Variants in UBTF observed in about 807,000 individuals in gnomAD.
UBTF encodes the protein upstream binding transcription factor.
In UBTF, 8 loss-of-function variants were observed where a neutral mutation model predicts 112.3. That is an observed-to-expected ratio of 0.07 (90% CI 0.04 to 0.13). UBTF has a LOEUF of 0.13. Ranked by LOEUF, UBTF falls within the 10% of genes least tolerant of loss-of-function variation. The pLI is 1.00. For missense variants in UBTF, 457 were observed against 982.1 expected (o/e 0.47, Z 7.15); for synonymous variants, 417 against 373.1 (o/e 1.12, Z -1.36).
rs1036175260 is a variant in UBTF, at chr17:44,210,967, C to T, written c.1204-20G>A. 15 of 1,601,584 alleles carry T rather than the reference C, an allele frequency of 9.4e-6. No homozygotes were observed. Among genetic ancestry groups the T allele is most frequent in the African/African-American group, 1.3e-5 (1 of 74,810 alleles). ...GCCGCCCTGTCCAGGTGCAGAGGGT[C>T]GGGGTCCGTGGGTGCTGCCAGGGAG... is the stretch of plus-strand genomic sequence containing the variant. On this transcript the variant is annotated intron_variant, in intron 12 of 20. Transcript: ENST00000436088.
chr17:44,208,895 G>C, intron 17 of UBTF: 1 of 357,966 alleles, frequency 2.8e-6, no homozygotes, highest in Admixed American at 3.6e-5. Context: ...TTTTAAAAGG[G>C]TGATAGTGGC....
rs1260538212 is a variant in UBTF, at chr17:44,211,244, A to G, written c.1089+46T>C. 1.2e-6 allele frequency: 2 copies of G among 1,614,080 alleles called. No individual in the cohort carries two copies. Among genetic ancestry groups the G allele is most frequent in the South Asian group, 2.2e-5 (2 of 91,070 alleles). ...GGGGCTCACCAGGGCTCTGCCTGCC[A>G]AGTCCCAGTCTTCTCTGCCCACTGC... On this transcript the variant is annotated intron_variant, in intron 11 of 20. Coordinates refer to ENST00000436088, the MANE Select transcript of UBTF (RefSeq NM_014233.4). This position sits in a 1 kb window ranked among gnomAD's most constrained non-coding sequence, Gnocchi z 4.9.
chr17:44,213,949 C>T (rs2046712074), intron 5 of UBTF, among the ~76,000 whole-genome samples: 1 of 152,148 alleles, frequency 6.6e-6, no homozygotes, highest in African/African-American at 2.4e-5. Flanking sequence ...TTTCCCACCA[C>T]TTGGCTTCCC....
Position 44,212,463 on chromosome 17 carries a change from C to G in UBTF, c.661-9G>C, listed in dbSNP as rs2144540165. ...ACCTCCTTCGTAGTGGCCTGCAAAC[C>G]AAAAGCCGTCAGACACGCACAGGCA... On this transcript the variant is annotated splice_polypyrimidine_tract_variant and intron_variant, in intron 7 of 20. Coordinates refer to ENST00000436088, the MANE Select transcript of UBTF (RefSeq NM_014233.4). 1 of 1,357,808 alleles carries G rather than the reference C, an allele frequency of 7.4e-7. No individual in the cohort carries two copies. 84.1% of individuals were successfully genotyped at this position (1,357,808 alleles called of 1,614,324 possible).
chr17:44,213,328 C>T (rs368600386), intron 5 of UBTF, 46 bp from the exon 6 acceptor site: 18 of 1,591,050 alleles, frequency 1.1e-5, no homozygotes, highest in Admixed American at 1.7e-5. Flanking sequence ...AAGGGTATCT[C>T]ACCCTGAGCT....
In UBTF at chr17:44,211,016, G is replaced by C; in HGVS notation, c.1203+23C>G. On this transcript the variant is annotated intron_variant, in intron 12 of 20. Coordinates refer to ENST00000436088, the MANE Select transcript of UBTF (RefSeq NM_014233.4). This position sits in a 1 kb window ranked among gnomAD's most constrained non-coding sequence, Gnocchi z 4.9. ...AGCCCAGTCTTGCCCACCCCCGCCT[G>C]CGCGGCCGCACCCTCTGCCCACCTT... 1 of 1,604,732 alleles carries C rather than the reference G, an allele frequency of 6.2e-7. No homozygotes were observed. Among genetic ancestry groups the C allele is most frequent in the African/African-American group, 1.3e-5 (1 of 74,998 alleles).
At position 44,211,003 on chromosome 17, in the gene UBTF, C is replaced by T. The variant is rs1350624154; in HGVS notation, c.1203+36G>A. Reference sequence around the variant, plus strand: ...GGTGCTGCCAGGGAGCCCAGTCTTGCCCACCCCCGCCTGCGCGGCCGCACC... The same window carrying T: ...GGTGCTGCCAGGGAGCCCAGTCTTGTCCACCCCCGCCTGCGCGGCCGCACC... On this transcript the variant is annotated intron_variant, in intron 12 of 20. Transcript: ENST00000436088. The surrounding 1 kb of genome is among the most constrained non-coding windows in gnomAD (Gnocchi z 4.9). 1 of 1,601,346 alleles carries T rather than the reference C, an allele frequency of 6.2e-7. No homozygotes were observed.
At chr17:44,210,523 G>T in intron 13 of UBTF, 50 bp from the exon 14 acceptor site, 1 of 1,504,044 alleles carries the variant, frequency 6.6e-7, no homozygotes, top group Non-Finnish European at 8.8e-7. Flanking sequence ...CAGGGGGCGC[G>T]CGCTCCCCGC....
At chr17:44,221,016 G>T (rs2047162871), upstream of UBTF, 1 of 150,790 alleles carries the variant, frequency 6.6e-6, no homozygotes, top group Non-Finnish European at 1.5e-5. Flanking sequence ...GGCCACCCCG[G>T]CCTCGCCTGG....
chr17:44,209,814 T>C (rs940450097), intron 15 of UBTF, 81 bp from the exon 16 acceptor site: 2 of 1,433,196 alleles, frequency 1.4e-6, no homozygotes, highest in Admixed American at 3.9e-5. Context: ...ATCAGCACCT[T>C]AGCTGGCTGT....
Position 44,207,081 on chromosome 17 carries a change from A to T in UBTF, c.*161T>A. On this transcript the variant is annotated 3_prime_UTR_variant, in exon 21 of 21. Coordinates refer to ENST00000436088, the MANE Select transcript of UBTF (RefSeq NM_014233.4). ...GCAGAGTCCTGGCCTGGGCTCCTCC[A>T]GCCCCCTACCCCCACCGTATTTTTT... 1 of 810,732 alleles carries T rather than the reference A, an allele frequency of 1.2e-6. No individual in the cohort carries two copies. Among genetic ancestry groups the T allele is most frequent in the Non-Finnish European group, 1.9e-6 (1 of 530,320 alleles). The allele number at this position is 810,732 out of a possible 1,614,324, so 50.2% of individuals were successfully genotyped here. A position where few individuals can be genotyped will look rare whatever the true frequency, so the allele number is the denominator to read the frequency against.
rs748719373 is a variant in UBTF at position 44,211,621 on chromosome 17, G to A, written c.1032C>T (p.His344=). 6.2e-7 allele frequency: 1 copy of A among 1,611,400 alleles called. No homozygotes were observed. The highest frequency in any genetic ancestry group is 8.5e-7 in the Non-Finnish European group (1 of 1,179,850). ...LLSQKEKDAY[H]KKCDQKKKDY... ...CACAGCTCACCTGATCACACTTCTT[G>A]TGATAGGCGTCCTTCTCCTTCTGGG... The change falls in exon 10 of 21, where the codon CAC becomes CAT. Residue 344 remains histidine, a synonymous_variant. Transcript: ENST00000436088. This position sits in a 1 kb window ranked among gnomAD's most constrained non-coding sequence, Gnocchi z 4.9.
At chr17:44,217,703 T>C (rs1015488118) in intron 2 of UBTF, among the ~76,000 whole-genome samples, 4 of 152,302 alleles carry the variant, frequency 2.6e-5, no homozygotes, top group Admixed American at 1.3e-4. Context: ...CACTGCTGAA[T>C]GAGGCAGAGA....
chr17:44,216,513 A>G lies in UBTF; in HGVS notation c.234+16T>C. On this transcript the variant is annotated intron_variant, in intron 3 of 20. Transcript: ENST00000436088. ...TGGGGGGTATGTGTGTATGTCAGAA[A>G]AGGGGGATCAGTTACCTCATTAGAA... 1 of 1,613,664 alleles carries G rather than the reference A, an allele frequency of 6.2e-7. No homozygotes were observed. The highest frequency in any genetic ancestry group is 8.5e-7 in the Non-Finnish European group (1 of 1,179,584).
chr17:44,215,570 C>G, intron 5 of UBTF, 84 bp downstream of exon 5: 2 of 1,554,722 alleles, frequency 1.3e-6, no homozygotes, highest in Non-Finnish European at 1.8e-6. Context: ...CCAGGTTTCT[C>G]CAAGGCCTAC....
At position 44,214,721 on chromosome 17, in the gene UBTF, A is replaced by T. The variant is rs900111979; in HGVS notation, c.474+933T>A. On this transcript the variant is annotated intron_variant, in intron 5 of 20. Coordinates refer to ENST00000436088, the MANE Select transcript of UBTF (RefSeq NM_014233.4). ...GGTATGCCAACCAGGAAAAAGGGCTACTCATAGCATGGCAGCGGCCAGTGC... is the reference window on the plus strand; with the variant it reads ...GGTATGCCAACCAGGAAAAAGGGCTTCTCATAGCATGGCAGCGGCCAGTGC... Among the ~76,000 whole-genome samples the T allele has an allele frequency of 1.3e-4, 20 of 152,178 alleles. No homozygotes were observed. In the South Asian group the frequency reaches 4.1e-3, roughly 32 times the overall value.
rs1431416890 is a variant in UBTF at position 44,212,647 on chromosome 17, G to GCACA, written c.660+168_660+171dup. Among the ~76,000 whole-genome samples the GCACA allele has an allele frequency of 1.1e-3, 160 of 151,938 alleles. 1 individual carries two copies. The highest frequency in any genetic ancestry group is 1.8e-3 in the Non-Finnish European group (125 of 67,884). Reference sequence around the variant, plus strand: ...CAAGGGGACTGGCTCATACACGCACGCACACACGCACACGCTTGCACGCCA... The same window carrying GCACA: ...CAAGGGGACTGGCTCATACACGCACGCACACACACACGCACACGCTTGCACGCCA... On this transcript the variant is annotated intron_variant, in intron 7 of 20. Coordinates refer to ENST00000436088, the MANE Select transcript of UBTF (RefSeq NM_014233.4).
chr17:44,213,398 G>T, intron 5 of UBTF, 116 bp from the exon 6 acceptor site: 1 of 1,174,820 alleles, frequency 8.5e-7, no homozygotes, highest in Non-Finnish European at 1.2e-6. Flanking sequence ...GTGATGCAGG[G>T]AGTGGAGGCT....
chr17:44,212,977 G>A (rs760009225), intron 6 of UBTF, 38 bp from the exon 7 acceptor site: 49 of 1,606,986 alleles, frequency 3.0e-5, no homozygotes, highest in Admixed American at 6.7e-5. Flanking sequence ...AGCAGGGGAC[G>A]CTGCCAGGGC....
Sources: allele counts gnomAD v4.1 joint callset (sites outside exome capture counted in the v4.1 genomes callset), GRCh38; gene constraint gnomAD v4.1.1; non-coding constraint Gnocchi (gnomAD v3.1); transcripts MANE v1.5; gene names NCBI Gene and HGNC (gene_info 2026-07-23, HGNC 2026-07-21).